ZNF425: variants seen among roughly 807,000 people sequenced by gnomAD.
ZNF425 encodes zinc finger protein 425.
Under a neutral mutation model 17.0 loss-of-function variants are expected in ZNF425, and 21 were observed. That is an observed-to-expected ratio of 1.23 (90% CI 0.88 to 1.78). The LOEUF (loss-of-function observed/expected upper bound fraction) is 1.78. ZNF425 is among the 40% of genes most tolerant of loss of function. The pLI, the probability that ZNF425 is intolerant of heterozygous loss-of-function variation, is 0.00. For synonymous variants in ZNF425, 433 were observed against 384.1 expected (o/e 1.13, Z -1.49); for missense variants, 868 against 967.3 (o/e 0.90, Z 1.36).
At chr7:149,118,490 G>T in intron 1 of ZNF425, 142 bp from the exon 2 acceptor site, 5 of 1,045,024 alleles carry the variant, frequency 4.8e-6, no homozygotes, top group Non-Finnish European at 7.0e-6. Flanking sequence ...ACAACAAAGG[G>T]GTCACAAATA....
At position 149,117,188 on chromosome 7, in the gene ZNF425, C is replaced by G. The variant is rs140239495; in HGVS notation, c.145+1034G>C. Among the ~76,000 whole-genome samples, 205 of 151,366 alleles carry G rather than the reference C, an allele frequency of 1.4e-3. 1 individual carries two copies. Among genetic ancestry groups the G allele is most frequent in the African/African-American group, 4.3e-3 (178 of 41,328 alleles). On this transcript the variant is annotated intron_variant, in intron 2 of 3. Transcript: ENST00000378061. ...CTGAGACAGGAGAATCACTTGAACC[C>G]AGGAGGCAGAGGTTGCAGTGAGCGG...
intron 2 of ZNF425, among the ~76,000 whole-genome samples, chr7:149,117,001 G>C (rs1038844291): frequency 1.4e-4 from 22 of 152,122 alleles, no homozygotes; most frequent in African/African-American, 5.3e-4. Context: ...GGTGGCTCAT[G>C]CCTGTAATCC....
rs1175948058 is a variant in ZNF425, at chr7:149,104,369, CCGCAGG to C, written c.1496_1501del (p.Pro499_Gly501delinsArg). On this transcript the variant is annotated inframe_deletion, in exon 4 of 4. Coordinates refer to ENST00000378061, the MANE Select transcript of ZNF425 (RefSeq NM_001001661.3). This position sits in a 1 kb window ranked among gnomAD's most constrained non-coding sequence, Gnocchi z 4.3. ...CTGAGAAAAGGTCTTTTTGCACTCGCCGCAGGGAAACTCCTTCTGCCTGTCGTGGAC... is the reference window on the plus strand; with the variant it reads ...CTGAGAAAAGGTCTTTTTGCACTCGCGAAACTCCTTCTGCCTGTCGTGGAC... 1 of 1,611,162 alleles carries C rather than the reference CCGCAGG, an allele frequency of 6.2e-7. No homozygotes were observed. Among genetic ancestry groups the C allele is most frequent in the East Asian group, 2.2e-5 (1 of 44,852 alleles).
At chr7:149,112,843 T>C (rs1239165545) in intron 2 of ZNF425, among the ~76,000 whole-genome samples, 1 of 151,746 alleles carries the variant, frequency 6.6e-6, no homozygotes, top group Non-Finnish European at 1.5e-5. Context: ...ATTTTGTATT[T>C]TTATAGAGAT....
At chr7:149,121,798 TCTAA>T (rs148782977) in intron 1 of ZNF425, among the ~76,000 whole-genome samples, 1,607 of 152,370 alleles carry the variant, frequency 0.011, 27 homozygotes, top group African/African-American at 0.036. Flanking sequence ...TATAGTGATC[TCTAA>T]CTGTGGCTTT....
Position 149,112,346 on chromosome 7 carries a change from T to G in ZNF425, c.146-51A>C, listed in dbSNP as rs540880972. 2.5e-6 allele frequency: 4 copies of G among 1,573,152 alleles called. No individual in the cohort carries two copies. The East Asian group carries it at 7.0e-5, about 28-fold the overall frequency. ...TGAGTTTACTGCATACTTAAATAAT[T>G]TTTTTGGCCGGGTGTGGTGGCTCAC... On this transcript the variant is annotated intron_variant, in intron 2 of 3. Transcript: ENST00000378061.
chr7:149,107,316 T>G (rs1236452027), intron 3 of ZNF425, among the ~76,000 whole-genome samples: 6 of 140,446 alleles, frequency 4.3e-5, no homozygotes, highest in South Asian at 4.3e-4. Flanking sequence ...AAGAATGATT[T>G]ATTTATTTAT....
At position 149,104,975 on chromosome 7, in the gene ZNF425, T is replaced by G; in HGVS notation, c.896A>C (p.Glu299Ala). The change falls in exon 4 of 4, where the codon GAG becomes GCG. Residue 299 changes from glutamate to alanine, a missense_variant. Coordinates refer to ENST00000378061, the MANE Select transcript of ZNF425 (RefSeq NM_001001661.3). The surrounding 1 kb of genome is among the most constrained non-coding windows in gnomAD (Gnocchi z 4.3). The stretch of plus-strand genomic sequence containing the variant: ...GCACTCCCCGCAGCAGAACGGCCGC[T>G]CCCCGCGGTGTAGACACAGGTGCTT... ...LKKHLCLHRG[E>A]RPFCCGECGR... The G allele has an allele frequency of 4.3e-6, 7 of 1,614,162 alleles. No individual in the cohort carries two copies. Among genetic ancestry groups the G allele is most frequent in the Non-Finnish European group, 5.9e-6 (7 of 1,180,038 alleles).
At chr7:149,120,510 G>A (rs1313430288) in intron 1 of ZNF425, among the ~76,000 whole-genome samples, 1 of 152,204 alleles carries the variant, frequency 6.6e-6, no homozygotes, top group Non-Finnish European at 1.5e-5. Flanking sequence ...ATATAGTCAT[G>A]TGCCACACGA....
In ZNF425 at chr7:149,103,375, G is replaced by A. The variant is rs570776446; in HGVS notation, c.*237C>T. Reference sequence around the variant, plus strand: ...TGGGACCACAAGCATGCACCACAACGCCTGGCTGACTTTTATATTTTTTGT... The same window carrying A: ...TGGGACCACAAGCATGCACCACAACACCTGGCTGACTTTTATATTTTTTGT... On this transcript the variant is annotated 3_prime_UTR_variant, in exon 4 of 4. Transcript: ENST00000378061. 5.2e-5 allele frequency: 26 copies of A among 496,134 alleles called. No homozygotes were observed. Among genetic ancestry groups the A allele is most frequent in the African/African-American group, 3.7e-4 (19 of 51,262 alleles). 30.7% of individuals were successfully genotyped at this position (496,134 alleles called of 1,614,324 possible). A position where few individuals can be genotyped will look rare whatever the true frequency, so the allele number is the denominator to read the frequency against.
At chr7:149,123,585 G>A (rs1311785123) in intron 1 of ZNF425, among the ~76,000 whole-genome samples, 1 of 152,006 alleles carries the variant, frequency 6.6e-6, no homozygotes, top group African/African-American at 2.4e-5. Context: ...AGGCTGGAGT[G>A]CAGTGGCACA....
chr7:149,110,752 G>A (rs910118749), intron 3 of ZNF425, among the ~76,000 whole-genome samples: 1 of 151,106 alleles, frequency 6.6e-6, no homozygotes, highest in Non-Finnish European at 1.5e-5. Flanking sequence ...GTGTGACAAG[G>A]AGTGGTTTTT....
At position 149,105,541 on chromosome 7, in the gene ZNF425, T is replaced by C; in HGVS notation, c.330A>G (p.Lys110=). ...GACCATTTAAACGGCAATCCTCTTCTTTTGTCCTGGGAGTTCCTTCGTCAT... is the reference window on the plus strand; with the variant it reads ...GACCATTTAAACGGCAATCCTCTTCCTTTGTCCTGGGAGTTCCTTCGTCAT... ...CFDDEGTPRT[K]EEDCRLNGPQ... is the part of the protein sequence containing the mutation. Residue 110 remains lysine, a synonymous_variant, in exon 4 of 4, where the codon AAA becomes AAG. Coordinates refer to ENST00000378061, the MANE Select transcript of ZNF425 (RefSeq NM_001001661.3). 1 of 1,514,378 alleles carries C rather than the reference T, an allele frequency of 6.6e-7. No homozygotes were observed. Among genetic ancestry groups the C allele is most frequent in the Non-Finnish European group, 8.8e-7 (1 of 1,135,596 alleles). The allele number at this position is 1,514,378 out of a possible 1,614,324, so 93.8% of individuals were successfully genotyped here. A position where few individuals can be genotyped will look rare whatever the true frequency, so the allele number is the denominator to read the frequency against.
rs1261327148 is a variant in ZNF425 at position 149,112,128 on chromosome 7, C to T, written c.304+9G>A. Reference sequence around the variant, plus strand: ...AAATAATTCATGATCTTAAATCCATCTTACTCACCAAAACATAGCAACTTT... The same window carrying T: ...AAATAATTCATGATCTTAAATCCATTTTACTCACCAAAACATAGCAACTTT... On this transcript the variant is annotated intron_variant, in intron 3 of 3. Coordinates refer to ENST00000378061, the MANE Select transcript of ZNF425 (RefSeq NM_001001661.3). 5.6e-6 allele frequency: 9 copies of T among 1,610,706 alleles called. No individual in the cohort carries two copies. In the Admixed American group the frequency reaches 1.2e-4, roughly 21 times the overall value.
At chr7:149,121,903 T>C (rs1173053248) in intron 1 of ZNF425, among the ~76,000 whole-genome samples, 1 of 133,306 alleles carries the variant, frequency 7.5e-6, no homozygotes, top group Non-Finnish European at 1.6e-5. Flanking sequence ...TGCCACTTTA[T>C]ATATTTTGCC....
chr7:149,124,410 C>G (rs570340385), intron 1 of ZNF425, among the ~76,000 whole-genome samples: 1 of 152,344 alleles, frequency 6.6e-6, no homozygotes, highest in South Asian at 2.1e-4. Context: ...CCGTCTTGGC[C>G]ACCCAAAGTG....
chr7:149,125,884 C>T, intron 1 of ZNF425: 1 of 537,194 alleles, frequency 1.9e-6, no homozygotes, highest in African/African-American at 1.9e-5. Context: ...CACCGCGCGA[C>T]GGACCTAGCG....
intron 3 of ZNF425, chr7:149,111,927 C>G (rs899912978): frequency 2.6e-6 from 1 of 385,886 alleles, no homozygotes; most frequent in Non-Finnish European, 4.6e-6. Context: ...GGTGATCCAC[C>G]CACCTCAGCC....
At chr7:149,107,627 G>A (rs1409185768) in intron 3 of ZNF425, among the ~76,000 whole-genome samples, 1 of 151,748 alleles carries the variant, frequency 6.6e-6, no homozygotes, top group African/African-American at 2.4e-5. Flanking sequence ...ATAAGCCACC[G>A]CGCCTGGCCA....
Sources: gnomAD v4.1 joint callset for allele counts (sites outside exome capture counted in the v4.1 genomes callset) on GRCh38, gnomAD v4.1.1 for gene constraint, Gnocchi (gnomAD v3.1) non-coding constraint, MANE v1.5 for transcripts, NCBI Gene and HGNC (gene_info 2026-07-23, HGNC 2026-07-21) for gene names.